Variants in ATXN1 observed in about 807,000 individuals in gnomAD.
The protein encoded by ATXN1 is ataxin-1.
In ATXN1, 8 loss-of-function variants were observed where a neutral mutation model predicts 56.4. The ratio of observed to expected loss-of-function variants is 0.14; its 90% CI spans 0.08 to 0.26. ATXN1 has a LOEUF of 0.26. ATXN1 is among the 10% of genes least tolerant of loss of function. The probability of loss-of-function intolerance (pLI) is 1.00; values close to 1 mark genes in which losing one functional copy is unlikely to be tolerated. For synonymous variants in ATXN1, 514 were observed against 494.6 expected (o/e 1.04, Z -0.52); for missense variants, 987 against 1,106.5 (o/e 0.89, Z 1.53).
In ATXN1 at chr6:16,584,243, T is replaced by TAC. The variant is rs368108414; in HGVS notation, c.-361+1535_-361+1536dup. Among the ~76,000 whole-genome samples the TAC allele has an allele frequency of 5.7e-3, 676 of 118,502 alleles. 8 individuals are homozygous for TAC. Among genetic ancestry groups the TAC allele is most frequent in the African/African-American group, 0.017 (515 of 30,294 alleles). The allele number at this position is 118,502 out of a possible 152,430, so 77.7% of individuals were successfully genotyped here. ...TTGGACATATATATATATATATATA[T>TAC]ACACACACACACACACACACACACA... On this transcript the variant is annotated intron_variant, in intron 4 of 7. Coordinates refer to ENST00000436367, the MANE Select transcript of ATXN1 (RefSeq NM_001128164.2).
intron 3 of ATXN1, among the ~76,000 whole-genome samples, chr6:16,598,929 G>A (rs1400465979): frequency 1.3e-5 from 2 of 152,312 alleles, no homozygotes; most frequent in East Asian, 1.9e-4. Flanking sequence ...AAAGAGGAGG[G>A]GTTCATGTGC....
At chr6:16,494,969 A>G (rs1195764781) in intron 5 of ATXN1, among the ~76,000 whole-genome samples, 1 of 152,192 alleles carries the variant, frequency 6.6e-6, no homozygotes, top group African/African-American at 2.4e-5. Context: ...TCTGGTTGCC[A>G]TGAGTCATCA....
chr6:16,347,873 C>A (rs534536260), intron 6 of ATXN1, among the ~76,000 whole-genome samples: 10 of 151,862 alleles, frequency 6.6e-5, no homozygotes, highest in Non-Finnish European at 1.5e-4. Context: ...ACTGTGGAAG[C>A]TTTGTTCTTT....
At chr6:16,682,950 A>T (rs982017180) in intron 2 of ATXN1, among the ~76,000 whole-genome samples, 2 of 152,196 alleles carry the variant, frequency 1.3e-5, no homozygotes, top group African/African-American at 2.4e-5. Context: ...AATGACAGTT[A>T]TTTTTAAGAG....
intron 6 of ATXN1, among the ~76,000 whole-genome samples, chr6:16,379,825 A>T (rs965113123): frequency 2.0e-5 from 3 of 152,266 alleles, no homozygotes; most frequent in African/African-American, 4.8e-5. Flanking sequence ...AGGAAGCTCT[A>T]GATGGGTCAT....
At chr6:16,704,776 G>A (rs1390336396) in intron 2 of ATXN1, among the ~76,000 whole-genome samples, 2 of 152,256 alleles carry the variant, frequency 1.3e-5, no homozygotes, top group South Asian at 2.1e-4. Flanking sequence ...GAGCTGAAGT[G>A]ATCAAATGCT....
chr6:16,729,331 A>C (rs1290239178), intron 2 of ATXN1, among the ~76,000 whole-genome samples: 1 of 152,180 alleles, frequency 6.6e-6, no homozygotes, highest in East Asian at 1.9e-4. Flanking sequence ...GGACTGAGAG[A>C]GCAAAGAGAA....
chr6:16,484,952 T>TGG (rs1401765163), intron 6 of ATXN1, among the ~76,000 whole-genome samples: 7 of 92,448 alleles, frequency 7.6e-5, no homozygotes, highest in African/African-American at 2.3e-4. Context: ...TATATATGTG[T>TGG]GTGTGTGTGT....
At chr6:16,389,124 G>C (rs774444491) in intron 6 of ATXN1, among the ~76,000 whole-genome samples, 1 of 151,864 alleles carries the variant, frequency 6.6e-6, no homozygotes, top group Non-Finnish European at 1.5e-5. Flanking sequence ...ATCACGAGGT[G>C]AGGAGTTCGA....
At chr6:16,353,169 C>T (rs1242050995) in intron 6 of ATXN1, among the ~76,000 whole-genome samples, 2 of 152,156 alleles carry the variant, frequency 1.3e-5, no homozygotes, top group Non-Finnish European at 2.9e-5. Flanking sequence ...TGCAGTTGGC[C>T]TCAGAAATCA....
At chr6:16,480,176 A>AT (rs1438835646) in intron 6 of ATXN1, among the ~76,000 whole-genome samples, 8 of 148,488 alleles carry the variant, frequency 5.4e-5, no homozygotes, top group African/African-American at 2.0e-4. Flanking sequence ...AAAAAAAAAA[A>AT]ATATCTAAAA....
At chr6:16,686,685 G>A (rs553188831) in intron 2 of ATXN1, among the ~76,000 whole-genome samples, 3 of 152,240 alleles carry the variant, frequency 2.0e-5, no homozygotes, top group South Asian at 4.1e-4. Flanking sequence ...GCAAGAAACC[G>A]TAAGAGCATT....
chr6:16,479,594 T>C (rs1403064242), intron 6 of ATXN1, among the ~76,000 whole-genome samples: 1 of 152,250 alleles, frequency 6.6e-6, no homozygotes, highest in African/African-American at 2.4e-5. Flanking sequence ...GTAATTTATG[T>C]GTTGTTAAGA....
intron 3 of ATXN1, among the ~76,000 whole-genome samples, chr6:16,614,729 C>T (rs760221365): frequency 6.6e-6 from 1 of 151,464 alleles, no homozygotes; most frequent in Non-Finnish European, 1.5e-5. Flanking sequence ...TTGAGACCAG[C>T]CTGGCGAACA....
intron 2 of ATXN1, among the ~76,000 whole-genome samples, chr6:16,715,932 C>A (rs1214234975): frequency 6.6e-6 from 1 of 152,146 alleles, no homozygotes; most frequent in Admixed American, 6.5e-5. Flanking sequence ...GGATACCATG[C>A]ACACTCAAGC....
chr6:16,350,034 C>T (rs56175042), intron 6 of ATXN1, among the ~76,000 whole-genome samples: 3,181 of 152,236 alleles, frequency 0.021, 104 homozygotes, highest in African/African-American at 0.071. Context: ...TAAAATATGA[C>T]TAACGATTTA....
chr6:16,756,325 T>G (rs1260136201), intron 1 of ATXN1, among the ~76,000 whole-genome samples: 1 of 152,114 alleles, frequency 6.6e-6, no homozygotes, highest in Non-Finnish European at 1.5e-5. Context: ...TTAAAAAAAT[T>G]TTGAATGAGT....
intron 2 of ATXN1, among the ~76,000 whole-genome samples, chr6:16,674,598 C>T (rs1056792353): frequency 6.6e-6 from 1 of 151,288 alleles, no homozygotes. Flanking sequence ...ACCTCATGAT[C>T]TGCCCACCTT....
intron 6 of ATXN1, among the ~76,000 whole-genome samples, chr6:16,465,364 G>A (rs1239973145): frequency 6.6e-6 from 1 of 152,212 alleles, no homozygotes; most frequent in African/African-American, 2.4e-5. Context: ...GGCTGAGGCA[G>A]GAGAATTGCT....
Sources: gnomAD v4.1 joint callset for allele counts (sites outside exome capture counted in the v4.1 genomes callset) on GRCh38, gnomAD v4.1.1 for gene constraint, MANE v1.5 for transcripts, NCBI Gene and HGNC (gene_info 2026-07-23, HGNC 2026-07-21) for gene names.